ADAT1: variants seen among roughly 807,000 people sequenced by gnomAD.
ADAT1 encodes adenosine deaminase tRNA specific 1.
Under a neutral mutation model 58.6 loss-of-function variants are expected in ADAT1, and 58 were observed. The ratio of observed to expected loss-of-function variants is 0.99; its 90% confidence interval spans 0.80 to 1.23. The LOEUF (loss-of-function observed/expected upper bound fraction) is 1.23, where lower values mean the gene tolerates loss of function less well. ADAT1 is among the 50% of genes most tolerant of loss of function. ADAT1 has a pLI of 0.00. For synonymous variants in ADAT1, 254 were observed against 220.8 expected (o/e 1.15, Z -1.33); for missense variants, 741 against 608.6 (o/e 1.22, Z -2.29).
Position 75,622,593 on chromosome 16 carries a change from T to C in ADAT1, c.-212A>G, listed in dbSNP as rs2081966490. ...GGCATCATCTCACTCAGGTAGTGCGTCTGAATGAGCATGCACAATTGTTTA... is the reference window on the plus strand; with the variant it reads ...GGCATCATCTCACTCAGGTAGTGCGCCTGAATGAGCATGCACAATTGTTTA... On this transcript the variant is annotated 5_prime_UTR_variant, in exon 1 of 10. Transcript: ENST00000564657. 1 of 152,170 alleles carries C rather than the reference T, an allele frequency of 6.6e-6. No homozygotes were observed. The highest frequency in any genetic ancestry group is 1.5e-5 in the Non-Finnish European group (1 of 68,054). The allele number at this position is 152,170 out of a possible 1,614,324, so 9.4% of individuals were successfully genotyped here. A position where few individuals can be genotyped will look rare whatever the true frequency, so the allele number is the denominator to read the frequency against.
chr16:75,605,359 G>A (rs974163062), intron 8 of ADAT1, among the ~76,000 whole-genome samples: 21 of 152,078 alleles, frequency 1.4e-4, no homozygotes, highest in Admixed American at 3.3e-4. Flanking sequence ...AAAGTGCTGG[G>A]ATTACAGACG....
chr16:75,604,733 T>C (rs2081326372), intron 8 of ADAT1, among the ~76,000 whole-genome samples: 1 of 151,808 alleles, frequency 6.6e-6, no homozygotes, highest in Non-Finnish European at 1.5e-5. Flanking sequence ...TATTCAACAT[T>C]ATACAGAAGG....
chr16:75,618,878 T>C (rs1011861723), intron 3 of ADAT1, among the ~76,000 whole-genome samples: 2 of 152,294 alleles, frequency 1.3e-5, no homozygotes, highest in Admixed American at 6.5e-5. Context: ...ATTCCATCCA[T>C]ACACTGTAGA....
rs928831463 is a variant in ADAT1 at position 75,622,943 on chromosome 16, C to G, written c.-562G>C. 2.0e-5 allele frequency: 3 copies of G among 152,338 alleles called. No homozygotes were observed. The highest frequency in any genetic ancestry group is 2.9e-5 in the Non-Finnish European group (2 of 68,140). The allele number at this position is 152,338 out of a possible 1,614,324, so 9.4% of individuals were successfully genotyped here. On this transcript the variant is annotated 5_prime_UTR_variant, in exon 1 of 10. Coordinates refer to ENST00000564657, the MANE Select transcript of ADAT1 (RefSeq NM_001324445.2). ...CCGCTGGAGAAGCCTGGGTGGGACC[C>G]CGAGTCGGCCAGTTACAGGATAGGA...
rs1369224180 is a variant in ADAT1 at position 75,597,304 on chromosome 16, C to T, written c.*2912G>A. On this transcript the variant is annotated 3_prime_UTR_variant, in exon 10 of 10. Coordinates refer to ENST00000564657, the MANE Select transcript of ADAT1 (RefSeq NM_001324445.2). ...ACACAGGGAAGAAGGCCATGCGAGA[C>T]ACAGACACAGAAGGCCATGTGAAGA... is the stretch of plus-strand genomic sequence containing the variant. 3 of 422,536 alleles carry T rather than the reference C, an allele frequency of 7.1e-6. No homozygotes were observed. The highest frequency in any genetic ancestry group is 4.1e-5 in the African/African-American group (2 of 49,062). The allele number at this position is 422,536 out of a possible 1,614,324, so 26.2% of individuals were successfully genotyped here.
chr16:75,601,384 C>T (rs2081225939), intron 9 of ADAT1, among the ~76,000 whole-genome samples: 1 of 151,966 alleles, frequency 6.6e-6, no homozygotes, highest in South Asian at 2.1e-4. Flanking sequence ...CAAAACCCTA[C>T]TACAAACCAG....
intron 8 of ADAT1, among the ~76,000 whole-genome samples, chr16:75,603,765 C>T (rs2081288156): frequency 6.6e-6 from 1 of 152,190 alleles, no homozygotes; most frequent in African/African-American, 2.4e-5. Context: ...TCTTTTCCCT[C>T]ATGTATACAA....
chr16:75,618,756 G>C, intron 3 of ADAT1, 116 bp from the exon 4 acceptor site: 1 of 1,213,624 alleles, frequency 8.2e-7, no homozygotes, highest in Non-Finnish European at 1.2e-6. Flanking sequence ...AGCTCCTGGA[G>C]AGCTTTGCCA....
chr16:75,615,924 G>C (rs549902194), intron 5 of ADAT1, among the ~76,000 whole-genome samples: 1 of 152,240 alleles, frequency 6.6e-6, no homozygotes, highest in Admixed American at 6.5e-5. Context: ...AAAAGAGCAA[G>C]GATGAGTGCT....
Position 75,597,589 on chromosome 16 carries a change from T to C in ADAT1, c.*2627A>G, listed in dbSNP as rs2081105088. On this transcript the variant is annotated 3_prime_UTR_variant, in exon 10 of 10. Transcript: ENST00000564657. ...TGAATTACATTTACTGTGCACTGTA[T>C]TTCTATTATTATTACATCGTAATAC... is the stretch of plus-strand genomic sequence containing the variant. Among the ~76,000 whole-genome samples the C allele has an allele frequency of 6.6e-6, 1 of 152,204 alleles. No individual in the cohort carries two copies. Among genetic ancestry groups the C allele is most frequent in the South Asian group, 2.1e-4 (1 of 4,828 alleles).
At chr16:75,619,395 G>T (rs2081855099) in intron 3 of ADAT1, among the ~76,000 whole-genome samples, 1 of 152,074 alleles carries the variant, frequency 6.6e-6, no homozygotes, top group African/African-American at 2.4e-5. Context: ...GCACATAGGT[G>T]TGCATAGCTG....
chr16:75,610,374 C>T (rs1019852779), intron 6 of ADAT1, among the ~76,000 whole-genome samples: 29 of 151,906 alleles, frequency 1.9e-4, no homozygotes, highest in African/African-American at 6.8e-4. Flanking sequence ...CGGTTCACTG[C>T]AGCCTCAACA....
In ADAT1 at chr16:75,612,279, T is replaced by C. The variant is rs566816495; in HGVS notation, c.1007A>G (p.Tyr336Cys). ...LSAVVIGKCP[Y>C]SQEAMQRALI... is the part of the protein sequence containing the mutation. The stretch of plus-strand genomic sequence containing the variant: ...TGCTCTCTGCATGGCTTCCTGGCTG[T>C]ATGGGCACTTCCCAATGACCACAGC... The change falls in exon 6 of 10, where the codon TAC (tyrosine) becomes TGC (cysteine). Residue 336 changes from tyrosine (Y) to cysteine (C), a missense_variant. Coordinates refer to ENST00000564657, the MANE Select transcript of ADAT1 (RefSeq NM_001324445.2). 1 of 1,614,144 alleles carries C rather than the reference T, an allele frequency of 6.2e-7. No individual in the cohort carries two copies. The highest frequency in any genetic ancestry group is 1.1e-5 in the South Asian group (1 of 91,060).
At chr16:75,608,433 T>C (rs1181765911) in intron 7 of ADAT1, 110 bp from the exon 8 acceptor site, 1 of 915,124 alleles carries the variant, frequency 1.1e-6, no homozygotes, top group African/African-American at 1.7e-5. Context: ...GAGCTGGATA[T>C]GATGTCACAG....
At chr16:75,617,303 C>A (rs200765442) in intron 4 of ADAT1, 31 bp from the exon 5 acceptor site, 183 of 1,600,024 alleles carry the variant, frequency 1.1e-4, no homozygotes, top group Non-Finnish European at 1.5e-4. Context: ...TTAGGATGAA[C>A]AACCGATCTC....
At chr16:75,620,543 C>G in intron 2 of ADAT1, 88 bp downstream of exon 2, 1 of 1,513,494 alleles carries the variant, frequency 6.6e-7, no homozygotes, top group South Asian at 1.2e-5. Context: ...AGTTCACACC[C>G]TACCCACGAC....
At chr16:75,618,098 CAAAAAAAA>C (rs1163510620) in intron 4 of ADAT1, among the ~76,000 whole-genome samples, 1 of 32,542 alleles carries the variant, frequency 3.1e-5, no homozygotes, top group African/African-American at 8.6e-5. Context: ...ACCCTGTGTC[CAAAAAAAA>C]AAAAAAAAAA....
At chr16:75,611,777 G>A (rs1383266061) in intron 6 of ADAT1, among the ~76,000 whole-genome samples, 4 of 151,984 alleles carry the variant, frequency 2.6e-5, no homozygotes, top group Non-Finnish European at 5.9e-5. Flanking sequence ...AAAATTATTA[G>A]CCGGGCGCGG....
Position 75,597,458 on chromosome 16 carries a change from G to A in ADAT1, c.*2758C>T. ...CCAAGGCACGAAAAAGTCTTCCTTA[G>A]AGCAGCAGTCCCCAACCTTTTTGGC... On this transcript the variant is annotated 3_prime_UTR_variant, in exon 10 of 10. Coordinates refer to ENST00000564657, the MANE Select transcript of ADAT1 (RefSeq NM_001324445.2). The A allele has an allele frequency of 2.3e-6, 1 of 434,046 alleles. No homozygotes were observed. The highest frequency in any genetic ancestry group is 4.6e-6 in the Non-Finnish European group (1 of 216,048). The allele number at this position is 434,046 out of a possible 1,614,324, so 26.9% of individuals were successfully genotyped here. A position where few individuals can be genotyped will look rare whatever the true frequency, so the allele number is the denominator to read the frequency against.
Sources: gnomAD v4.1 joint callset for allele counts (sites outside exome capture counted in the v4.1 genomes callset) on GRCh38, gnomAD v4.1.1 for gene constraint, MANE v1.5 for transcripts, NCBI Gene and HGNC (gene_info 2026-07-23, HGNC 2026-07-21) for gene names.